PDZRN3: variants seen among roughly 807,000 people sequenced by gnomAD.
The protein encoded by PDZRN3 is PDZ domain containing ring finger 3.
In PDZRN3, 38 loss-of-function variants were observed where a neutral mutation model predicts 85.7. The ratio of observed to expected loss-of-function variants is 0.44; its 90% confidence interval spans 0.34 to 0.58. The LOEUF (loss-of-function observed/expected upper bound fraction) is 0.58. Ranked by LOEUF, PDZRN3 falls within the 20% of genes least tolerant of loss-of-function variation. The pLI is 0.01. For synonymous variants in PDZRN3, 759 were observed against 638.0 expected (o/e 1.19, Z -2.86); for missense variants, 1,629 against 1,506.4 (o/e 1.08, Z -1.35).
intron 1 of PDZRN3, among the ~76,000 whole-genome samples, chr3:73,612,898 G>A (rs1444143724): frequency 6.6e-6 from 1 of 152,164 alleles, no homozygotes; most frequent in African/African-American, 2.4e-5. Flanking sequence ...ATGGCATCTG[G>A]CCAATAATTA....
intron 3 of PDZRN3, among the ~76,000 whole-genome samples, chr3:73,478,479 T>A (rs1422425402): frequency 6.6e-6 from 1 of 152,022 alleles, no homozygotes; most frequent in East Asian, 1.9e-4. Context: ...GTTGCAAGGC[T>A]CCCACTGATT....
intron 3 of PDZRN3, among the ~76,000 whole-genome samples, chr3:73,420,939 T>C (rs1702187992): frequency 6.6e-6 from 1 of 152,226 alleles, no homozygotes; most frequent in East Asian, 1.9e-4. Context: ...TATTGTAGGC[T>C]TGGCATACCA....
In PDZRN3 at chr3:73,536,149, T is replaced by G. The variant is rs554812082; in HGVS notation, c.918+66205A>C. On this transcript the variant is annotated intron_variant, in intron 3 of 9. Transcript: ENST00000263666. ...AAAGGTCTCTGCCACTGCACTCCAC[T>G]GTAAGCCATTTCTAATAGGTCTTGG... Among the ~76,000 whole-genome samples the G allele has an allele frequency of 2.0e-5, 3 of 152,378 alleles. No homozygotes were observed. In the East Asian group the frequency reaches 5.8e-4, roughly 29 times the overall value.
chr3:73,442,089 G>A (rs779815427), intron 3 of PDZRN3, among the ~76,000 whole-genome samples: 1 of 152,172 alleles, frequency 6.6e-6, no homozygotes, highest in Non-Finnish European at 1.5e-5. Flanking sequence ...GGGCATTGTG[G>A]CTCTGTGATC....
At position 73,421,893 on chromosome 3, in the gene PDZRN3, C is replaced by T. The variant is rs183375628; in HGVS notation, c.919-17498G>A. On this transcript the variant is annotated intron_variant, in intron 3 of 9. Coordinates refer to ENST00000263666, the MANE Select transcript of PDZRN3 (RefSeq NM_015009.3). ...CGATCCCCTGACCTCGTGATCTCCC[C>T]GCCTCAGCCTCCCAAAGTGCTGGGA... Among the ~76,000 whole-genome samples, 125 of 152,226 alleles carry T rather than the reference C, an allele frequency of 8.2e-4. No individual in the cohort carries two copies. The East Asian group carries it at 0.018, about 21-fold the overall frequency.
chr3:73,513,048 G>A (rs964981949), intron 3 of PDZRN3, among the ~76,000 whole-genome samples: 1 of 152,068 alleles, frequency 6.6e-6, no homozygotes, highest in African/African-American at 2.4e-5. Context: ...CCAGTTCCCA[G>A]GTGCTGAGAT....
intron 3 of PDZRN3, among the ~76,000 whole-genome samples, chr3:73,415,167 T>G (rs1025494899): frequency 2.0e-5 from 3 of 152,020 alleles, no homozygotes; most frequent in African/African-American, 7.3e-5. Context: ...GGAATCCCAC[T>G]ACTGAGAGAA....
intron 5 of PDZRN3, among the ~76,000 whole-genome samples, chr3:73,396,601 G>C (rs1701642480): frequency 6.6e-6 from 1 of 152,156 alleles, no homozygotes; most frequent in South Asian, 2.1e-4. Context: ...ATGAAACCAG[G>C]TTTGGAGAGC....
chr3:73,398,164 T>C (rs1259986274), intron 5 of PDZRN3, among the ~76,000 whole-genome samples: 3 of 152,266 alleles, frequency 2.0e-5, no homozygotes, highest in East Asian at 3.9e-4. Flanking sequence ...CTTTTATTCA[T>C]GAAAAGAGAG....
intron 3 of PDZRN3, among the ~76,000 whole-genome samples, chr3:73,567,807 T>A (rs1701976166): frequency 6.6e-6 from 1 of 152,184 alleles, no homozygotes; most frequent in Non-Finnish European, 1.5e-5. Flanking sequence ...ACAAAGGGTG[T>A]CTGGTATGTC....
chr3:73,600,190 C>T (rs531925215), intron 3 of PDZRN3, among the ~76,000 whole-genome samples: 64 of 152,046 alleles, frequency 4.2e-4, no homozygotes, highest in African/African-American at 1.5e-3. Flanking sequence ...TTAATAATAC[C>T]CCTTTGCAAG....
chr3:73,539,965 A>G (rs1704876254), intron 3 of PDZRN3, among the ~76,000 whole-genome samples: 1 of 152,082 alleles, frequency 6.6e-6, no homozygotes, highest in Admixed American at 6.6e-5. Context: ...ATGTTAAAGT[A>G]CTGCACGGAT....
intron 3 of PDZRN3, among the ~76,000 whole-genome samples, chr3:73,471,188 G>C (rs914183135): frequency 1.1e-4 from 16 of 152,246 alleles, no homozygotes; most frequent in Admixed American, 7.8e-4. Context: ...ACGATGTGAA[G>C]AGATATAGAA....
At chr3:73,515,294 G>T (rs530969325) in intron 3 of PDZRN3, among the ~76,000 whole-genome samples, 14 of 148,528 alleles carry the variant, frequency 9.4e-5, no homozygotes, top group Non-Finnish European at 1.5e-4. Flanking sequence ...TCCTGCCTCA[G>T]CCTCCGAAGT....
chr3:73,527,264 A>C (rs1249001898), intron 3 of PDZRN3, among the ~76,000 whole-genome samples: 1 of 152,210 alleles, frequency 6.6e-6, no homozygotes, highest in Non-Finnish European at 1.5e-5. Flanking sequence ...GTAGGTGCTC[A>C]GTAAAAGGCA....
rs114645997 is a variant in PDZRN3 at position 73,388,176 on chromosome 3, C to G, written c.1417-107G>C. ...CAGACCTGCATTTGTCACCCACTCA[C>G]AGTTAGAACATACAACTTCCGTGTA... On this transcript the variant is annotated intron_variant, in intron 7 of 9. Coordinates refer to ENST00000263666, the MANE Select transcript of PDZRN3 (RefSeq NM_015009.3). The G allele has an allele frequency of 9.9e-4, 606 of 612,994 alleles. 2 individuals are homozygous for G. The African/African-American group carries it at 0.01, about 10-fold the overall frequency. The allele number at this position is 612,994 out of a possible 1,614,324, so 38.0% of individuals were successfully genotyped here.
At chr3:73,609,759 T>C (rs377151988) in intron 1 of PDZRN3, among the ~76,000 whole-genome samples, 4 of 152,236 alleles carry the variant, frequency 2.6e-5, no homozygotes, top group African/African-American at 4.8e-5. Context: ...GTTCAAACTT[T>C]TGTCTTCTAC....
intron 3 of PDZRN3, among the ~76,000 whole-genome samples, chr3:73,578,372 G>A (rs969861993): frequency 1.4e-4 from 22 of 151,972 alleles, no homozygotes; most frequent in East Asian, 3.9e-4. Context: ...GGGTTTCACT[G>A]TGTTAGCCAG....
chr3:73,467,464 A>G lies in PDZRN3; in HGVS notation c.919-63069T>C, dbSNP rs570454854. 2.0e-5 allele frequency among the ~76,000 whole-genome samples: 3 copies of G among 152,340 alleles called. No homozygotes were observed. The East Asian group carries it at 5.8e-4, about 29-fold the overall frequency. On this transcript the variant is annotated intron_variant, in intron 3 of 9. Transcript: ENST00000263666. The stretch of plus-strand genomic sequence containing the variant: ...TTCTTCTTTCCTGCCTAGATGTTCT[A>G]CACAGCGATTCCCAGTAACACCTGA...
Sources: allele counts gnomAD v4.1 joint callset (sites outside exome capture counted in the v4.1 genomes callset), GRCh38; gene constraint gnomAD v4.1.1; transcripts MANE v1.5; gene names NCBI Gene and HGNC (gene_info 2026-07-23, HGNC 2026-07-21).